The following IGF1R variants were observed in gnomAD, a reference collection of about 807,000 sequenced individuals.
IGF1R encodes insulin like growth factor 1 receptor, also known as insulin-like growth factor 1 receptor.
Under a neutral mutation model 144.6 loss-of-function variants are expected in IGF1R, and 44 were observed. The ratio of observed to expected loss-of-function variants is 0.30; its 90% confidence interval spans 0.24 to 0.39. The LOEUF (loss-of-function observed/expected upper bound fraction) is 0.39, where lower values mean the gene tolerates loss of function less well. Ranked by LOEUF, IGF1R falls within the 10% of genes least tolerant of loss-of-function variation. The pLI is 1.00. For missense variants in IGF1R, 1,355 were observed against 1,833.7 expected (o/e 0.74, Z 4.77); for synonymous variants, 795 against 722.8 (o/e 1.10, Z -1.60).
intron 2 of IGF1R, among the ~76,000 whole-genome samples, chr15:98,777,168 G>C (rs530887750): frequency 5.3e-5 from 8 of 152,266 alleles, no homozygotes; most frequent in African/African-American, 1.9e-4. Context: ...CAGGAGGGGC[G>C]GGTGTCCTGA....
intron 2 of IGF1R, among the ~76,000 whole-genome samples, chr15:98,809,870 T>C (rs1446166384): frequency 1.3e-5 from 2 of 152,038 alleles, no homozygotes; most frequent in African/African-American, 2.4e-5. Context: ...GTTCTGATGA[T>C]AGAATGAAAG....
At chr15:98,690,538 G>A (rs1479665255) in intron 1 of IGF1R, among the ~76,000 whole-genome samples, 1 of 152,116 alleles carries the variant, frequency 6.6e-6, no homozygotes, top group Non-Finnish European at 1.5e-5. Context: ...GCAATTTGTG[G>A]TTTTTCATTT....
intron 1 of IGF1R, among the ~76,000 whole-genome samples, chr15:98,686,165 G>A (rs562218787): frequency 2.0e-5 from 3 of 152,318 alleles, no homozygotes; most frequent in East Asian, 1.9e-4. Flanking sequence ...CCCATTTTAT[G>A]AGCATAATGT....
At chr15:98,824,860 G>A (rs1223893488) in intron 2 of IGF1R, among the ~76,000 whole-genome samples, 2 of 148,406 alleles carry the variant, frequency 1.3e-5, no homozygotes, top group Non-Finnish European at 3.0e-5. Context: ...TTTTTGAAAC[G>A]GATTCTCGCT....
At chr15:98,780,614 A>C (rs1345012653) in intron 2 of IGF1R, among the ~76,000 whole-genome samples, 1 of 150,124 alleles carries the variant, frequency 6.7e-6, no homozygotes, top group Non-Finnish European at 1.5e-5. Flanking sequence ...TGAATATGTT[A>C]TCTACTTGAT....
intron 1 of IGF1R, among the ~76,000 whole-genome samples, chr15:98,673,119 C>G (rs1463519502): frequency 7.2e-5 from 11 of 152,138 alleles, no homozygotes; most frequent in African/African-American, 2.7e-4. Context: ...CTCAACCTCC[C>G]AAGTAGTTGG....
In IGF1R at chr15:98,865,603, A is replaced by C. The variant is rs1013747812; in HGVS notation, c.641-25722A>C. Among the ~76,000 whole-genome samples, 6 of 152,204 alleles carry C rather than the reference A, an allele frequency of 3.9e-5. No individual in the cohort carries two copies. The South Asian group carries it at 1.2e-3, about 31-fold the overall frequency. On this transcript the variant is annotated intron_variant, in intron 2 of 20. Transcript: ENST00000650285. ...GCGTGGCTTTGTGGTTTGGGAAGAT[A>C]TGAACTCCTTGGGGTTTTTTTCTCT...
intron 18 of IGF1R, among the ~76,000 whole-genome samples, chr15:98,940,962 C>T (rs1021465587): frequency 9.2e-5 from 14 of 152,340 alleles, no homozygotes; most frequent in African/African-American, 1.9e-4. Context: ...AAGAGCCGCC[C>T]GCGTCCCTGG....
chr15:98,787,920 C>T (rs965200811), intron 2 of IGF1R, among the ~76,000 whole-genome samples: 4 of 151,920 alleles, frequency 2.6e-5, no homozygotes, highest in African/African-American at 9.7e-5. Context: ...GAAAGGGAGA[C>T]AAAAGAGAAA....
chr15:98,921,210 C>G (rs2015470780), intron 10 of IGF1R, among the ~76,000 whole-genome samples: 1 of 152,148 alleles, frequency 6.6e-6, no homozygotes, highest in African/African-American at 2.4e-5. Flanking sequence ...CTGGGTGCTC[C>G]TCTCGTATTC....
chr15:98,742,767 C>G (rs774920991), intron 2 of IGF1R, among the ~76,000 whole-genome samples: 1 of 152,116 alleles, frequency 6.6e-6, no homozygotes, highest in African/African-American at 2.4e-5. Flanking sequence ...CACAATGGGC[C>G]GGATGTGGTG....
chr15:98,873,106 A>G (rs1382519101), intron 2 of IGF1R, among the ~76,000 whole-genome samples: 1 of 152,180 alleles, frequency 6.6e-6, no homozygotes, highest in Non-Finnish European at 1.5e-5. Flanking sequence ...TGCACCCTGA[A>G]GGTAAAGCTG....
chr15:98,915,766 G>A (rs1011083504), intron 8 of IGF1R, among the ~76,000 whole-genome samples, 198 bp from the exon 9 acceptor site: 2 of 152,220 alleles, frequency 1.3e-5, no homozygotes, highest in Admixed American at 6.5e-5. Flanking sequence ...GGAGGAAATA[G>A]ATTATAAAGG....
intron 2 of IGF1R, among the ~76,000 whole-genome samples, chr15:98,852,650 G>A (rs1021602393): frequency 2.0e-5 from 3 of 152,164 alleles, no homozygotes; most frequent in Non-Finnish European, 1.5e-5. Flanking sequence ...ACACATCCCA[G>A]CCCCGGGGCC....
At chr15:98,927,145 G>A (rs796773523) in intron 13 of IGF1R, among the ~76,000 whole-genome samples, 11 of 152,292 alleles carry the variant, frequency 7.2e-5, no homozygotes, top group African/African-American at 2.4e-4. Context: ...GTGGGAAATC[G>A]GGAGTCCTTC....
chr15:98,881,677 C>T (rs1285399007), intron 2 of IGF1R, among the ~76,000 whole-genome samples: 2 of 152,148 alleles, frequency 1.3e-5, no homozygotes, highest in African/African-American at 2.4e-5. Flanking sequence ...ACCATAAACA[C>T]GGTGGGGGAA....
intron 2 of IGF1R, among the ~76,000 whole-genome samples, chr15:98,881,026 G>T (rs2013344615): frequency 6.6e-6 from 1 of 152,158 alleles, no homozygotes; most frequent in Non-Finnish European, 1.5e-5. Context: ...AGCAAGGCTG[G>T]AAACTGCTTG....
chr15:98,708,963 C>CCTT (rs1457084847), intron 2 of IGF1R, among the ~76,000 whole-genome samples: 1 of 152,180 alleles, frequency 6.6e-6, no homozygotes, highest in Non-Finnish European at 1.5e-5. Context: ...TGAGCTCTTG[C>CCTT]CTTCATGTGA....
At chr15:98,705,297 G>A (rs560855840) in intron 1 of IGF1R, among the ~76,000 whole-genome samples, 1 of 152,282 alleles carries the variant, frequency 6.6e-6, no homozygotes, top group Non-Finnish European at 1.5e-5. Flanking sequence ...GGCTCTGCTA[G>A]GAGCTATTCG....
Sources: allele counts gnomAD v4.1 joint callset (sites outside exome capture counted in the v4.1 genomes callset), GRCh38; gene constraint gnomAD v4.1.1; transcripts MANE v1.5; gene names NCBI Gene and HGNC (gene_info 2026-07-23, HGNC 2026-07-21).